The following ARID1B variants were observed in gnomAD, a reference collection of about 807,000 sequenced individuals.
ARID1B encodes the protein AT-rich interactive domain-containing protein 1B.
Under a neutral mutation model 212.3 loss-of-function variants are expected in ARID1B, and 30 were observed. The ratio of observed to expected loss-of-function variants is 0.14; its 90% CI spans 0.11 to 0.19. The LOEUF (loss-of-function observed/expected upper bound fraction) is 0.19, where lower values mean the gene tolerates loss of function less well. Ranked by LOEUF, ARID1B falls within the 10% of genes least tolerant of loss-of-function variation. The pLI is 1.00. For synonymous variants in ARID1B, 1,402 were observed against 1,301.7 expected, an observed-to-expected ratio of 1.08 and a Z score of -1.66; for missense variants, 2,891 against 3,204.0, an observed-to-expected ratio of 0.90 and a Z score of 2.36.
intron 4 of ARID1B, among the ~76,000 whole-genome samples, chr6:156,966,381 C>CTTTCTTTTT (rs1794742120): frequency 2.2e-5 from 2 of 89,436 alleles, no homozygotes; most frequent in African/African-American, 7.6e-5. Flanking sequence ...CTTTTCTTTT[C>CTTTCTTTTT]TTTTCTTTTT....
rs114827798 is a variant in ARID1B at position 156,872,019 on chromosome 6, A to G, written c.1987-29357A>G. On this transcript the variant is annotated intron_variant, in intron 2 of 19. Coordinates refer to ENST00000636930, the MANE Select transcript of ARID1B (RefSeq NM_001374828.1). ...ATAGTAAATGAGTTAATGAATGAAT[A>G]TGTGCATATATGATATTGTACGCTG... is the stretch of plus-strand genomic sequence containing the variant. 3.1e-3 allele frequency among the ~76,000 whole-genome samples: 474 copies of G among 152,326 alleles called. 3 individuals carry two copies. Among genetic ancestry groups the G allele is most frequent in the African/African-American group, 0.01 (426 of 41,550 alleles).
At position 157,196,235 on chromosome 6, in the gene ARID1B, C is replaced by A. The variant is rs1216471978; in HGVS notation, c.4302C>A (p.Asn1434Lys). 6.2e-7 allele frequency: 1 copy of A among 1,613,604 alleles called. No individual in the cohort carries two copies. The highest frequency in any genetic ancestry group is 8.5e-7 in the Non-Finnish European group (1 of 1,179,890). ...ACAGCAGCATGCAGGACATGTACAA[C>A]CAAAGTCCCTCCGGAGCAATGTCTA... ...MPNSSMQDMY[N>K]QSPSGAMSNL... is the part of the protein sequence containing the mutation. The change falls in exon 16 of 20, where the codon AAC becomes AAA. Residue 1434 changes from asparagine to lysine, a missense_variant. By Grantham distance (94) the Asn-to-Lys change is moderately conservative. Transcript: ENST00000636930.
chr6:157,138,558 C>G (rs1789107218), intron 7 of ARID1B, among the ~76,000 whole-genome samples: 1 of 152,116 alleles, frequency 6.6e-6, no homozygotes, highest in African/African-American at 2.4e-5. Context: ...GGCTTAAATG[C>G]AGCTGCTCTT....
At chr6:156,962,859 T>A (rs1441363280) in intron 4 of ARID1B, among the ~76,000 whole-genome samples, 3 of 152,028 alleles carry the variant, frequency 2.0e-5, no homozygotes, top group African/African-American at 4.8e-5. Context: ...CTCGGCTCAC[T>A]GCAACCTCTG....
chr6:156,778,300 A>T lies in ARID1B; in HGVS notation c.620A>T (p.Gln207Leu). The change falls in exon 1 of 20, where the codon CAG becomes CTG. Residue 207 changes from glutamine to leucine, a missense_variant. By Grantham distance (113) the Gln-to-Leu change is moderately radical (BLOSUM62 -2). This residue lies in a region of ARID1B where 1,643 missense variants were observed against 1,544.0 expected (regional missense o/e 1.06). Transcript: ENST00000636930. ...CAGCAGCAGCAGCAGCAACAGCAGC[A>T]GCAGCAGCAGCAGCAACAGCAACAT... is the stretch of plus-strand genomic sequence containing the variant. ...QQQQQQQQQQ[Q>L]QQQQQQQHPI... 6.5e-7 allele frequency: 1 copy of T among 1,544,616 alleles called. No homozygotes were observed. The highest frequency in any genetic ancestry group is 8.7e-7 in the Non-Finnish European group (1 of 1,146,498).
At chr6:156,790,417 A>G (rs1451062834) in intron 1 of ARID1B, among the ~76,000 whole-genome samples, 3 of 152,198 alleles carry the variant, frequency 2.0e-5, no homozygotes. Context: ...GGGTGTTTAA[A>G]TTTTACTTAG....
At chr6:156,837,805 G>T (rs945446730) in intron 2 of ARID1B, among the ~76,000 whole-genome samples, 1 of 152,168 alleles carries the variant, frequency 6.6e-6, no homozygotes, top group African/African-American at 2.4e-5. Flanking sequence ...GCTCTCCTCC[G>T]CAGAGCCAGA....
rs80066792 is a variant in ARID1B at position 156,933,266 on chromosome 6, C to T, written c.2137-2200C>T. Among the ~76,000 whole-genome samples the T allele has an allele frequency of 7.6e-3, 1,153 of 152,064 alleles. 22 individuals are homozygous for T. The highest frequency in any genetic ancestry group is 0.026 in the African/African-American group (1,095 of 41,496). The stretch of plus-strand genomic sequence containing the variant: ...TAAAAAAAAAAAAGTAGGCATTGGG[C>T]AGACACTGTGTGCACGTGTGTTGGA... On this transcript the variant is annotated intron_variant, in intron 3 of 19. Coordinates refer to ENST00000636930, the MANE Select transcript of ARID1B (RefSeq NM_001374828.1).
chr6:156,980,835 A>G (rs1777562170), intron 4 of ARID1B, among the ~76,000 whole-genome samples: 1 of 152,250 alleles, frequency 6.6e-6, no homozygotes, highest in Non-Finnish European at 1.5e-5. Context: ...AGAGCCCTTG[A>G]CATACAGAAG....
intron 3 of ARID1B, among the ~76,000 whole-genome samples, chr6:156,902,735 C>CAAAAAAAAAAAAAAA (rs869259426): frequency 1.6e-5 from 1 of 61,682 alleles, no homozygotes. Flanking sequence ...GACTCTGTCT[C>CAAAAAAAAAAAAAAA]AAAAAAAAAA....
intron 4 of ARID1B, among the ~76,000 whole-genome samples, chr6:157,081,447 G>A (rs571329604): frequency 2.6e-5 from 4 of 152,254 alleles, no homozygotes; most frequent in Non-Finnish European, 4.4e-5. Flanking sequence ...TCTGCAGGGC[G>A]GGAATATTTC....
intron 1 of ARID1B, among the ~76,000 whole-genome samples, chr6:156,787,786 G>A (rs959825538): frequency 5.9e-5 from 9 of 152,018 alleles, no homozygotes; most frequent in Admixed American, 2.0e-4. Flanking sequence ...ATTTGTGAGC[G>A]AATAAGCTTC....
intron 5 of ARID1B, among the ~76,000 whole-genome samples, chr6:157,088,505 C>A (rs1583286448): frequency 6.6e-6 from 1 of 152,126 alleles, no homozygotes; most frequent in African/African-American, 2.4e-5. Flanking sequence ...CCTGTCCTTT[C>A]GAAGTTTTTA....
intron 7 of ARID1B, among the ~76,000 whole-genome samples, chr6:157,134,127 A>C (rs898794495): frequency 1.3e-5 from 2 of 152,178 alleles, no homozygotes; most frequent in Non-Finnish European, 2.9e-5. Flanking sequence ...ACTGTAGTAA[A>C]ATGTTTACCA....
At chr6:156,816,382 T>G (rs1781965213) in intron 1 of ARID1B, among the ~76,000 whole-genome samples, 1 of 152,226 alleles carries the variant, frequency 6.6e-6, no homozygotes. Flanking sequence ...TTGGGTTTCT[T>G]TAATTTTGTT....
chr6:157,176,523 G>A (rs898768804), intron 11 of ARID1B, among the ~76,000 whole-genome samples: 1 of 152,158 alleles, frequency 6.6e-6, no homozygotes, highest in African/African-American at 2.4e-5. Flanking sequence ...AATTTCAGAG[G>A]TTAAAAATAA....
chr6:156,841,324 G>A (rs1334455560), intron 2 of ARID1B, among the ~76,000 whole-genome samples: 3 of 152,176 alleles, frequency 2.0e-5, no homozygotes, highest in Non-Finnish European at 2.9e-5. Context: ...TCATGGCTAC[G>A]GCTGGAATGA....
At chr6:156,935,709 C>A in intron 4 of ARID1B, 133 bp downstream of exon 4, 2 of 797,224 alleles carry the variant, frequency 2.5e-6, no homozygotes, top group Non-Finnish European at 3.9e-6. Flanking sequence ...ATTTTGTGGT[C>A]AATTTTTCAA....
At chr6:157,115,107 C>A (rs1232883897) in intron 6 of ARID1B, among the ~76,000 whole-genome samples, 1 of 152,208 alleles carries the variant, frequency 6.6e-6, no homozygotes, top group African/African-American at 2.4e-5. Flanking sequence ...TCCCCGTCCC[C>A]ACCCCATCTC....
Sources: allele counts gnomAD v4.1 joint callset (sites outside exome capture counted in the v4.1 genomes callset), GRCh38; gene constraint gnomAD v4.1.1; regional missense constraint gnomAD v4.1.1; transcripts MANE v1.5; gene names NCBI Gene and HGNC (gene_info 2026-07-23, HGNC 2026-07-21).